NOX4: variants seen among roughly 807,000 people sequenced by gnomAD.
NOX4 encodes NADPH oxidase 4, also known as kidney oxidase-1.
NOX4 carries 69 observed loss-of-function variants against 87.6 expected under a neutral mutation model. That is an observed-to-expected ratio of 0.79 (90% CI 0.65 to 0.96). The LOEUF (loss-of-function observed/expected upper bound fraction) is 0.96. NOX4 is among the 40% of genes least tolerant of loss of function. NOX4 has a pLI of 0.00. For synonymous variants in NOX4, 275 were observed against 238.2 expected (o/e 1.15, Z -1.42); for missense variants, 680 against 681.5 (o/e 1.00, Z 0.02).
At chr11:89,499,317 G>A (rs1331452982), upstream of NOX4, 1 of 152,122 alleles carries the variant, frequency 6.6e-6, no homozygotes, top group Non-Finnish European at 1.5e-5. Flanking sequence ...CACATAGTAA[G>A]TGCTCAAAAT....
chr11:89,337,924 G>T (rs1482176306), intron 15 of NOX4, among the ~76,000 whole-genome samples: 3 of 151,930 alleles, frequency 2.0e-5, no homozygotes, highest in Non-Finnish European at 4.4e-5. Flanking sequence ...TTTAATTTAT[G>T]CATGCTAGCA....
intron 9 of NOX4, 31 bp downstream of exon 9, chr11:89,402,295 T>C: frequency 6.6e-7 from 1 of 1,523,956 alleles, no homozygotes; most frequent in Non-Finnish European, 9.1e-7. Flanking sequence ...GAAACAAACT[T>C]TGTGGAGATC....
chr11:89,345,943 C>G (rs1006235357), intron 13 of NOX4, among the ~76,000 whole-genome samples: 26 of 152,148 alleles, frequency 1.7e-4, no homozygotes, highest in African/African-American at 6.3e-4. Context: ...GAAGTCCTAG[C>G]CAGAGCAATC....
chr11:89,438,865 T>TATATAA (rs1565293766), intron 6 of NOX4, among the ~76,000 whole-genome samples: 3 of 22,876 alleles, frequency 1.3e-4, no homozygotes, highest in Non-Finnish European at 3.3e-4. Flanking sequence ...ATATTATATA[T>TATATAA]TATATATATA....
intron 11 of NOX4, among the ~76,000 whole-genome samples, chr11:89,398,063 C>T (rs1941603727): frequency 6.6e-6 from 1 of 151,602 alleles, no homozygotes; most frequent in Non-Finnish European, 1.5e-5. Flanking sequence ...TGCAAATATC[C>T]TCAATAAAAT....
intron 9 of NOX4, among the ~76,000 whole-genome samples, chr11:89,400,766 A>G (rs778110398): frequency 6.6e-6 from 1 of 151,726 alleles, no homozygotes; most frequent in Non-Finnish European, 1.5e-5. Flanking sequence ...GAAATAAGGT[A>G]ACAGTCTAAT....
the NOX4 span, chr11:89,545,225 T>G: frequency 7.2e-5 from 11 of 152,206 alleles, no homozygotes; most frequent in East Asian, 2.1e-3. Flanking sequence ...TTTAGTTCTG[T>G]GTATGTTTTT....
intron 8 of NOX4, among the ~76,000 whole-genome samples, chr11:89,405,587 A>G (rs1448568057): frequency 6.6e-6 from 1 of 151,710 alleles, no homozygotes; most frequent in Non-Finnish European, 1.5e-5. Flanking sequence ...AGAAATATGG[A>G]TAAGATCTAA....
chr11:89,451,482 G>C (rs1289441944), intron 3 of NOX4, among the ~76,000 whole-genome samples: 4 of 152,184 alleles, frequency 2.6e-5, no homozygotes, highest in Non-Finnish European at 4.4e-5. Context: ...GAGGTTTCTT[G>C]TGTGTGAAAT....
chr11:89,329,362 A>G (rs1258704581), intron 17 of NOX4, among the ~76,000 whole-genome samples: 2 of 134,958 alleles, frequency 1.5e-5, no homozygotes, highest in East Asian at 4.2e-4. Context: ...AACTGAAAAA[A>G]AAAAAAAAAA....
chr11:89,547,135 C>T, the NOX4 span, among the ~76,000 whole-genome samples: 1 of 152,130 alleles, frequency 6.6e-6, no homozygotes, highest in Non-Finnish European at 1.5e-5. Context: ...TTCCTCTCAT[C>T]CTTTCCCCAA....
chr11:89,568,679 T>A, the NOX4 span, among the ~76,000 whole-genome samples: 1 of 152,210 alleles, frequency 6.6e-6, no homozygotes, highest in African/African-American at 2.4e-5. Flanking sequence ...TAGAAAAATA[T>A]ATTCCAAAAT....
chr11:89,361,109 A>G (rs1358701269), intron 12 of NOX4, among the ~76,000 whole-genome samples: 1 of 152,112 alleles, frequency 6.6e-6, no homozygotes, highest in African/African-American at 2.4e-5. Flanking sequence ...GTATCTACCC[A>G]AAGGAAAAGA....
chr11:89,521,291 G>C, the NOX4 span, among the ~76,000 whole-genome samples: 12 of 152,052 alleles, frequency 7.9e-5, no homozygotes, highest in African/African-American at 2.4e-4. Context: ...ACGGTGTAAG[G>C]CTGCAATAAC....
the NOX4 span, among the ~76,000 whole-genome samples, chr11:89,519,487 A>G: frequency 6.6e-6 from 1 of 152,102 alleles, no homozygotes; most frequent in Non-Finnish European, 1.5e-5. Flanking sequence ...TGATGTATCT[A>G]AAATTATTTT....
intron 12 of NOX4, among the ~76,000 whole-genome samples, chr11:89,368,509 C>A (rs2135038256): frequency 6.6e-6 from 1 of 152,158 alleles, no homozygotes; most frequent in South Asian, 2.1e-4. Context: ...TGTGTCCTTA[C>A]ATAACAGAAG....
At position 89,491,225 on chromosome 11, in the gene NOX4, A is replaced by T. The variant is rs1347925497; in HGVS notation, c.22T>A (p.Trp8Arg). The part of the protein sequence containing the change: MAVSWRS[W>R]LANEGVKHLC... ...TGTTTAACCCCTTCGTTGGCGAGCC[A>T]GCTCCTCCAGGACACAGCCATGCCG... The change falls in exon 1 of 18, where the codon TGG becomes AGG. Residue 8 changes from tryptophan (W) to arginine (R), a missense_variant. Trp to Arg is a moderately radical substitution (Grantham distance 101). Transcript: ENST00000263317. 6.2e-7 allele frequency: 1 copy of T among 1,613,608 alleles called. No individual in the cohort carries two copies. The highest frequency in any genetic ancestry group is 8.5e-7 in the Non-Finnish European group (1 of 1,179,882).
chr11:89,363,853 AG>A (rs1433086694), intron 12 of NOX4, among the ~76,000 whole-genome samples: 1 of 152,146 alleles, frequency 6.6e-6, no homozygotes, highest in Non-Finnish European at 1.5e-5. Flanking sequence ...GTAACTGAAT[AG>A]TAACAATATA....
intron 2 of NOX4, among the ~76,000 whole-genome samples, chr11:89,456,885 G>A (rs1397977723): frequency 2.6e-5 from 4 of 152,124 alleles, no homozygotes; most frequent in African/African-American, 9.7e-5. Context: ...AGAGACTGTT[G>A]GACCTGGACA....
Sources: gnomAD v4.1 joint callset for allele counts (sites outside exome capture counted in the v4.1 genomes callset) on GRCh38, gnomAD v4.1.1 for gene constraint, MANE v1.5 for transcripts, NCBI Gene and HGNC (gene_info 2026-07-23, HGNC 2026-07-21) for gene names.